Variants in RNF144A observed in about 807,000 individuals in gnomAD.
The protein encoded by RNF144A is E3 ubiquitin-protein ligase RNF144A.
Under a neutral mutation model 38.7 loss-of-function variants are expected in RNF144A, and 11 were observed. The ratio of observed to expected loss-of-function variants is 0.28; its 90% CI spans 0.18 to 0.47. RNF144A has a LOEUF of 0.47. Among genes scored for constraint, RNF144A ranks in the 20% least tolerant of loss-of-function variants. The pLI, the probability that RNF144A is intolerant of heterozygous loss-of-function variation, is 0.99. For synonymous variants in RNF144A, 149 were observed against 143.9 expected, an observed-to-expected ratio of 1.04 and a Z score of -0.25; for missense variants, 316 against 377.2, an observed-to-expected ratio of 0.84 and a Z score of 1.34.
Position 6,958,989 on chromosome 2 carries a change from C to T in RNF144A, c.-12+17842C>T, listed in dbSNP as rs1396806790. 1.3e-5 allele frequency among the ~76,000 whole-genome samples: 2 copies of T among 152,360 alleles called. No homozygotes were observed. The highest frequency in any genetic ancestry group is 4.8e-5 in the African/African-American group (2 of 41,590). ...GCAGCGTGGGCGTCCAGTTACTGCT[C>T]TCCGGGGCTTGCTCCCCTGATCACT... On this transcript the variant is annotated intron_variant, in intron 2 of 8. Coordinates refer to ENST00000320892, the MANE Select transcript of RNF144A (RefSeq NM_014746.6). The surrounding 1 kb of genome is among the most constrained non-coding windows in gnomAD (Gnocchi z 4.5).
intron 3 of RNF144A, among the ~76,000 whole-genome samples, chr2:7,004,393 C>G (rs1350837966): frequency 6.6e-6 from 1 of 152,212 alleles, no homozygotes; most frequent in East Asian, 1.9e-4. Flanking sequence ...GCTGCACCAC[C>G]CTATCTGATC....
chr2:6,996,786 T>C, intron 2 of RNF144A, 130 bp from the exon 3 acceptor site: 1 of 864,468 alleles, frequency 1.2e-6, no homozygotes, highest in Non-Finnish European at 1.8e-6. Flanking sequence ...AACATCCAGA[T>C]GCTCTAGGCT....
rs1664231194 is a variant in RNF144A at position 6,917,844 on chromosome 2, G to A, written c.-212+222G>A. On this transcript the variant is annotated intron_variant, in intron 1 of 8. Transcript: ENST00000320892. The surrounding 1 kb of genome is among the most constrained non-coding windows in gnomAD (Gnocchi z 4.8). ...AGAGGACGCCCGCCCTGCCCTGCCC[G>A]TGTCCCTGACCTCGTCCCTGCTCTG... Among the ~76,000 whole-genome samples, 1 of 151,098 alleles carries A rather than the reference G, an allele frequency of 6.6e-6. No individual in the cohort carries two copies. The highest frequency in any genetic ancestry group is 2.4e-5 in the African/African-American group (1 of 41,406).
intron 6 of RNF144A, among the ~76,000 whole-genome samples, chr2:7,055,796 T>G (rs1247309911): frequency 2.0e-5 from 3 of 152,190 alleles, no homozygotes; most frequent in Non-Finnish European, 4.4e-5. Context: ...CAGTGGAGAA[T>G]GGAGTTCACA....
Position 6,917,807 on chromosome 2 carries a change from C to T in RNF144A, c.-212+185C>T, listed in dbSNP as rs904141532. On this transcript the variant is annotated intron_variant, in intron 1 of 8. Coordinates refer to ENST00000320892, the MANE Select transcript of RNF144A (RefSeq NM_014746.6). This position sits in a 1 kb window ranked among gnomAD's most constrained non-coding sequence, Gnocchi z 4.8. Reference sequence around the variant, plus strand: ...GGGCAGCGTCCCGGGCGGGGACTCGCGGGCTCCGTTCAGAGGACGCCCGCC... The same window carrying T: ...GGGCAGCGTCCCGGGCGGGGACTCGTGGGCTCCGTTCAGAGGACGCCCGCC... 3.3e-5 allele frequency among the ~76,000 whole-genome samples: 5 copies of T among 150,588 alleles called. No homozygotes were observed. The highest frequency in any genetic ancestry group is 4.0e-4 in the East Asian group (2 of 5,060).
intron 2 of RNF144A, among the ~76,000 whole-genome samples, chr2:6,942,034 T>C (rs987240593): frequency 2.6e-5 from 4 of 152,240 alleles, no homozygotes; most frequent in Admixed American, 6.5e-5. Context: ...TTTAAATGGC[T>C]TACTCTGGCC....
At chr2:7,003,342 A>G (rs899567290) in intron 3 of RNF144A, among the ~76,000 whole-genome samples, 3 of 152,210 alleles carry the variant, frequency 2.0e-5, no homozygotes, top group Non-Finnish European at 4.4e-5. Context: ...ACTCACCCGG[A>G]GTAGCTCCCA....
chr2:6,937,316 C>G (rs1387520281), intron 1 of RNF144A, among the ~76,000 whole-genome samples: 2 of 152,234 alleles, frequency 1.3e-5, no homozygotes, highest in African/African-American at 4.8e-5. Flanking sequence ...GCTGTGTGAC[C>G]ATGGGCCACT....
chr2:7,024,324 C>T (rs112234573), intron 6 of RNF144A, 45 bp from the exon 7 acceptor site: 15 of 1,537,098 alleles, frequency 9.8e-6, no homozygotes, highest in South Asian at 4.8e-5. Context: ...CTGGGTCTCC[C>T]GTGGGATCCG....
At position 6,958,445 on chromosome 2, in the gene RNF144A, A is replaced by C. The variant is rs1292332161; in HGVS notation, c.-12+17298A>C. Reference sequence around the variant, plus strand: ...AGCAGCTGATTAAAGTTCTCGGGCCAGATGTCTTAGTGATTCATGGTGCTC... The same window carrying C: ...AGCAGCTGATTAAAGTTCTCGGGCCCGATGTCTTAGTGATTCATGGTGCTC... On this transcript the variant is annotated intron_variant, in intron 2 of 8. Transcript: ENST00000320892. This position sits in a 1 kb window ranked among gnomAD's most constrained non-coding sequence, Gnocchi z 4.5. 2.6e-5 allele frequency among the ~76,000 whole-genome samples: 4 copies of C among 152,208 alleles called. No homozygotes were observed. Among genetic ancestry groups the C allele is most frequent in the Admixed American group, 1.3e-4 (2 of 15,286 alleles).
chr2:7,006,485 G>A (rs2103406724), intron 3 of RNF144A, among the ~76,000 whole-genome samples: 1 of 152,180 alleles, frequency 6.6e-6, no homozygotes, highest in African/African-American at 2.4e-5. Context: ...CAATGTCAGG[G>A]CAGGAGAGGG....
chr2:7,014,110 A>T (rs1367142853), intron 3 of RNF144A, among the ~76,000 whole-genome samples: 3 of 152,238 alleles, frequency 2.0e-5, no homozygotes, highest in Non-Finnish European at 4.4e-5. Flanking sequence ...CCTGCATCTT[A>T]TAGGCATTTG....
intron 3 of RNF144A, among the ~76,000 whole-genome samples, chr2:7,002,659 A>G (rs77687398): frequency 2.4e-4 from 36 of 152,316 alleles, no homozygotes; most frequent in African/African-American, 8.4e-4. Context: ...GATAGACCAT[A>G]TATATAATGG....
Position 6,986,977 on chromosome 2 carries a change from G to A in RNF144A, c.-11-9939G>A, listed in dbSNP as rs77619036. Among the ~76,000 whole-genome samples the A allele has an allele frequency of 5.5e-3, 837 of 152,084 alleles. 7 individuals are homozygous for A. Among genetic ancestry groups the A allele is most frequent in the African/African-American group, 0.019 (798 of 41,486 alleles). On this transcript the variant is annotated intron_variant, in intron 2 of 8. Transcript: ENST00000320892. The stretch of plus-strand genomic sequence containing the variant: ...GTAGCCGAAGTGTAATGTTTATCTG[G>A]GCAAATACATTAGTGTTGAAATAAT...
intron 8 of RNF144A, among the ~76,000 whole-genome samples, chr2:7,034,745 G>C (rs434382): frequency 6.6e-6 from 1 of 152,036 alleles, no homozygotes; most frequent in Admixed American, 6.5e-5. Context: ...AGTGGCACCT[G>C]AATCAGACCA....
intron 8 of RNF144A, 28 bp from the exon 9 acceptor site, chr2:7,039,601 C>A: frequency 6.2e-7 from 1 of 1,613,180 alleles, no homozygotes. Flanking sequence ...GCCCTCCTTA[C>A]CTCTACCCCT....
rs143398231 is a variant in RNF144A, at chr2:6,961,592, A to C, written c.-12+20445A>C. Among the ~76,000 whole-genome samples the C allele has an allele frequency of 2.5e-3, 388 of 152,348 alleles. 2 individuals are homozygous for C. Among genetic ancestry groups the C allele is most frequent in the African/African-American group, 8.6e-3 (357 of 41,580 alleles). ...ATAATTTATATTTTATTTCAAGAGCAAGAGAACACTAAGAGAGGAAAGCTC... is the reference window on the plus strand; with the variant it reads ...ATAATTTATATTTTATTTCAAGAGCCAGAGAACACTAAGAGAGGAAAGCTC... On this transcript the variant is annotated intron_variant, in intron 2 of 8. Transcript: ENST00000320892.
At chr2:6,987,009 T>C (rs771262) in intron 2 of RNF144A, among the ~76,000 whole-genome samples, 3 of 152,064 alleles carry the variant, frequency 2.0e-5, no homozygotes, top group African/African-American at 7.2e-5. Flanking sequence ...TAATAGGCCC[T>C]TTGTGTCTTT....
intron 2 of RNF144A, among the ~76,000 whole-genome samples, chr2:6,979,271 G>GGGT (rs1668487573): frequency 6.6e-6 from 1 of 152,198 alleles, no homozygotes; most frequent in African/African-American, 2.4e-5. Context: ...CTCACAGGGA[G>GGGT]GGTGGGAGAT....
Sources: allele counts gnomAD v4.1 joint callset (sites outside exome capture counted in the v4.1 genomes callset), GRCh38; gene constraint gnomAD v4.1.1; non-coding constraint Gnocchi (gnomAD v3.1); transcripts MANE v1.5; gene names NCBI Gene and HGNC (gene_info 2026-07-23, HGNC 2026-07-21).